The following OPCML variants were observed in gnomAD, a reference collection of about 807,000 sequenced individuals.
The protein encoded by OPCML is opioid-binding protein/cell adhesion molecule.
Under a neutral mutation model 37.8 loss-of-function variants are expected in OPCML, and 13 were observed. The ratio of observed to expected loss-of-function variants is 0.34; its 90% CI spans 0.22 to 0.55. The LOEUF (loss-of-function observed/expected upper bound fraction) is 0.55, where lower values mean the gene tolerates loss of function less well. OPCML is among the 20% of genes least tolerant of loss of function. The probability of loss-of-function intolerance (pLI) is 0.91; values close to 1 mark genes in which losing one functional copy is unlikely to be tolerated. For missense variants in OPCML, 341 were observed against 435.6 expected (o/e 0.78, Z 1.93); for synonymous variants, 176 against 168.8 (o/e 1.04, Z -0.33).
At chr11:132,599,695 T>G (rs551403438) in intron 3 of OPCML, among the ~76,000 whole-genome samples, 66 of 152,278 alleles carry the variant, frequency 4.3e-4, no homozygotes, top group Admixed American at 1.4e-3. Context: ...GATTTGTATA[T>G]TTTTTACATG....
At chr11:132,520,944 C>T (rs910889926) in intron 4 of OPCML, among the ~76,000 whole-genome samples, 3 of 152,122 alleles carry the variant, frequency 2.0e-5, no homozygotes, top group South Asian at 2.1e-4. Flanking sequence ...TTCCTGGTTC[C>T]AGATCCTTGA....
In OPCML at chr11:133,503,998, G is replaced by A. The variant is rs114688022; in HGVS notation, c.61+28266C>T. Among the ~76,000 whole-genome samples the A allele has an allele frequency of 2.1e-3, 319 of 152,258 alleles. 1 individual carries two copies. The highest frequency in any genetic ancestry group is 7.1e-3 in the African/African-American group (294 of 41,538). ...GAGAGCTCCAGATTCAGACAAGCAC[G>A]GGCCAAGACGGGCTTCCTGAGGAAG... On this transcript the variant is annotated intron_variant, in intron 1 of 7. Coordinates refer to ENST00000524381, the MANE Select transcript of OPCML (RefSeq NM_001012393.5).
intron 2 of OPCML, among the ~76,000 whole-genome samples, chr11:132,917,120 A>C (rs1299621356): frequency 6.6e-6 from 1 of 152,282 alleles, no homozygotes; most frequent in South Asian, 2.1e-4. Flanking sequence ...CTGAGTGTCA[A>C]TGTGGAGTTA....
At chr11:133,340,606 CTCTGTGTGTG>C (rs1388679329) in intron 1 of OPCML, among the ~76,000 whole-genome samples, 7 of 109,358 alleles carry the variant, frequency 6.4e-5, no homozygotes, top group African/African-American at 2.8e-4. Flanking sequence ...TTAAGACTCT[CTCTGTGTGTG>C]TGTGTGTGTG....
intron 1 of OPCML, among the ~76,000 whole-genome samples, chr11:133,318,766 G>A (rs1943262103): frequency 1.3e-5 from 2 of 152,220 alleles, no homozygotes; most frequent in Admixed American, 6.5e-5. Context: ...GCTGGGAGCA[G>A]TGGTTCACGC....
intron 1 of OPCML, among the ~76,000 whole-genome samples, chr11:133,104,565 G>GC (rs745617345): frequency 1.4e-4 from 22 of 152,314 alleles, no homozygotes; most frequent in Admixed American, 4.6e-4. Flanking sequence ...GATGCATATG[G>GC]CAATTAAAAC....
At chr11:132,826,680 T>C (rs1759524141) in intron 2 of OPCML, among the ~76,000 whole-genome samples, 1 of 152,206 alleles carries the variant, frequency 6.6e-6, no homozygotes, top group Non-Finnish European at 1.5e-5. Context: ...TCTCTTAATT[T>C]ACCCTATACT....
chr11:132,498,786 A>C (rs1412856768), intron 4 of OPCML, among the ~76,000 whole-genome samples: 1 of 108,544 alleles, frequency 9.2e-6, no homozygotes, highest in Non-Finnish European at 1.8e-5. Context: ...CCAAGTCCTG[A>C]TGGTTTTAAA....
At chr11:133,452,637 C>G (rs906237110) in intron 1 of OPCML, among the ~76,000 whole-genome samples, 5 of 151,324 alleles carry the variant, frequency 3.3e-5, no homozygotes, top group Admixed American at 3.3e-4. Flanking sequence ...CATAGTGAGA[C>G]CCTTATCTCA....
chr11:132,498,306 G>A (rs1006775301), intron 4 of OPCML, among the ~76,000 whole-genome samples: 1 of 152,136 alleles, frequency 6.6e-6, no homozygotes, highest in African/African-American at 2.4e-5. Flanking sequence ...CAAGAACAAA[G>A]GCCATTGGTC....
At chr11:133,063,503 C>T (rs1311693560) in intron 1 of OPCML, among the ~76,000 whole-genome samples, 2 of 152,002 alleles carry the variant, frequency 1.3e-5, no homozygotes, top group South Asian at 2.1e-4. Flanking sequence ...ACTTTGGGTC[C>T]TATTAATCTG....
chr11:133,360,660 T>C (rs1238763915), intron 1 of OPCML: 1 of 152,284 alleles, frequency 6.6e-6, no homozygotes, highest in African/African-American at 2.4e-5. Context: ...CAACTTATGT[T>C]GCTTAATTCT....
chr11:132,666,473 C>T (rs112984412), intron 2 of OPCML, among the ~76,000 whole-genome samples: 3 of 152,284 alleles, frequency 2.0e-5, no homozygotes, highest in African/African-American at 7.2e-5. Context: ...AAGCCCCACT[C>T]CAATCTTGGG....
chr11:132,828,116 G>C (rs762075479), intron 2 of OPCML, among the ~76,000 whole-genome samples: 10 of 152,158 alleles, frequency 6.6e-5, no homozygotes, highest in Non-Finnish European at 1.3e-4. Context: ...ATAAATGCAT[G>C]TCGCTAAGTG....
chr11:133,094,037 G>C (rs993455178), intron 1 of OPCML, among the ~76,000 whole-genome samples: 1 of 151,982 alleles, frequency 6.6e-6, no homozygotes, highest in African/African-American at 2.4e-5. Context: ...AGGTCCCCTC[G>C]TGTGTCTAAA....
chr11:133,483,790 A>ATAGATGG (rs1947446012), intron 1 of OPCML, among the ~76,000 whole-genome samples: 2 of 48,334 alleles, frequency 4.1e-5, no homozygotes, highest in Admixed American at 2.7e-4. Context: ...GGATAGATAC[A>ATAGATGG]TAGATGATAG....
At position 133,483,240 on chromosome 11, in the gene OPCML, A is replaced by G. The variant is rs149046757; in HGVS notation, c.61+49024T>C. 2.9e-4 allele frequency among the ~76,000 whole-genome samples: 44 copies of G among 152,248 alleles called. 1 individual carries two copies. The East Asian group carries it at 7.9e-3, about 27-fold the overall frequency. On this transcript the variant is annotated intron_variant, in intron 1 of 7. Transcript: ENST00000524381. ...GGAAGAATGGCAAAATTTAGGAAATACTGAAGAAAGTGAAGAGTAGGACAT... is the reference window on the plus strand; with the variant it reads ...GGAAGAATGGCAAAATTTAGGAAATGCTGAAGAAAGTGAAGAGTAGGACAT...
At chr11:132,836,383 G>C (rs968947352) in intron 2 of OPCML, among the ~76,000 whole-genome samples, 3 of 152,114 alleles carry the variant, frequency 2.0e-5, no homozygotes, top group Non-Finnish European at 2.9e-5. Flanking sequence ...CTAGTAGCCC[G>C]GTGTGACTTC....
rs1172177196 is a variant in OPCML at position 133,458,176 on chromosome 11, A to ATGTGTATATATACACATATATACACGTG, written c.61+74060_61+74087dup. 1.6e-4 allele frequency among the ~76,000 whole-genome samples: 21 copies of ATGTGTATATATACACATATATACACGTG among 132,788 alleles called. 2 individuals are homozygous for ATGTGTATATATACACATATATACACGTG. The highest frequency in any genetic ancestry group is 8.7e-4 in the South Asian group (4 of 4,604). 87.1% of individuals were successfully genotyped at this position (132,788 alleles called of 152,430 possible). A position where few individuals can be genotyped will look rare whatever the true frequency, so the allele number is the denominator to read the frequency against. ...AAAATATATATATACATATACATAT[A>ATGTGTATATATACACATATATACACGTG]TGTGTATATATACACATATATACAC... is the stretch of plus-strand genomic sequence containing the variant. On this transcript the variant is annotated intron_variant, in intron 1 of 7. Coordinates refer to ENST00000524381, the MANE Select transcript of OPCML (RefSeq NM_001012393.5).
Sources: allele counts gnomAD v4.1 joint callset (sites outside exome capture counted in the v4.1 genomes callset), GRCh38; gene constraint gnomAD v4.1.1; transcripts MANE v1.5; gene names NCBI Gene and HGNC (gene_info 2026-07-23, HGNC 2026-07-21).